The following PACS1 variants were observed in gnomAD, a reference collection of about 807,000 sequenced individuals.
PACS1 encodes phosphofurin acidic cluster sorting protein 1.
A neutral mutation model predicts 115.0 loss-of-function variants in PACS1; 24 were observed. The observed-to-expected ratio is 0.21, with a 90% CI of 0.15 to 0.29. The LOEUF (loss-of-function observed/expected upper bound fraction) is 0.29, where lower values mean the gene tolerates loss of function less well. PACS1 is among the 10% of genes least tolerant of loss of function. The pLI, the probability that PACS1 is intolerant of heterozygous loss-of-function variation, is 1.00. For missense variants in PACS1, 838 were observed against 1,251.2 expected, an observed-to-expected ratio of 0.67 and a Z score of 4.98; for synonymous variants, 453 against 504.5, an observed-to-expected ratio of 0.90 and a Z score of 1.37.
chr11:66,186,046 C>T (rs1338117862), intron 1 of PACS1, among the ~76,000 whole-genome samples: 3 of 152,066 alleles, frequency 2.0e-5, no homozygotes, highest in Non-Finnish European at 2.9e-5. Flanking sequence ...GCAGGAGGAT[C>T]GCTTGAGCCC....
intron 1 of PACS1, among the ~76,000 whole-genome samples, chr11:66,096,733 C>T (rs1467983150): frequency 1.3e-5 from 2 of 151,748 alleles, no homozygotes; most frequent in Non-Finnish European, 2.9e-5. Flanking sequence ...AAACTCCTGA[C>T]CTCAGATGAT....
chr11:66,217,698 T>C, intron 7 of PACS1: 1 of 439,408 alleles, frequency 2.3e-6, no homozygotes, highest in Non-Finnish European at 4.6e-6. Context: ...TGTCCTCAGG[T>C]ATCCACCTCT....
chr11:66,227,689 A>G, intron 11 of PACS1, 105 bp downstream of exon 11: 1 of 687,358 alleles, frequency 1.5e-6, no homozygotes, highest in East Asian at 2.7e-5. Flanking sequence ...TTTCACCTAA[A>G]TCTGCAGGCT....
intron 19 of PACS1, chr11:66,238,024 T>C: frequency 1.0e-6 from 1 of 979,358 alleles, no homozygotes; most frequent in South Asian, 4.7e-5. Flanking sequence ...GCCCAGGTGA[T>C]AGGGCCCAGG....
At position 66,236,858 on chromosome 11, in the gene PACS1, T is replaced by C. The variant is rs1855715674; in HGVS notation, c.2250+918T>C. Among the ~76,000 whole-genome samples the C allele has an allele frequency of 6.6e-6, 1 of 152,094 alleles. No homozygotes were observed. Among genetic ancestry groups the C allele is most frequent in the Non-Finnish European group, 1.5e-5 (1 of 67,998 alleles). On this transcript the variant is annotated intron_variant, in intron 19 of 23. Coordinates refer to ENST00000320580, the MANE Select transcript of PACS1 (RefSeq NM_018026.4). This position sits in a 1 kb window ranked among gnomAD's most constrained non-coding sequence, Gnocchi z 4.2. ...CTCACTGCAACCTCTGCCTCCTGGGTTCAAGTGATCCTCCTGCCTCAGCCT... is the reference window on the plus strand; with the variant it reads ...CTCACTGCAACCTCTGCCTCCTGGGCTCAAGTGATCCTCCTGCCTCAGCCT...
intron 2 of PACS1, among the ~76,000 whole-genome samples, chr11:66,200,923 A>C (rs1159864388): frequency 6.6e-6 from 1 of 151,974 alleles, no homozygotes; most frequent in African/African-American, 2.4e-5. Context: ...AAACATTCAA[A>C]AAAAAAAAAA....
chr11:66,090,617 A>G (rs1347395317), intron 1 of PACS1, among the ~76,000 whole-genome samples: 1 of 152,154 alleles, frequency 6.6e-6, no homozygotes, highest in Non-Finnish European at 1.5e-5. Flanking sequence ...GGAAGGCAAC[A>G]AGAGCACTGA....
chr11:66,128,838 C>T (rs1163157124), intron 1 of PACS1, among the ~76,000 whole-genome samples: 1 of 150,252 alleles, frequency 6.7e-6, no homozygotes, highest in Non-Finnish European at 1.5e-5. Context: ...GAGCCGAGAT[C>T]GTGCCACTGT....
At chr11:66,214,965 C>G (rs1055234981) in intron 4 of PACS1, among the ~76,000 whole-genome samples, 1 of 151,888 alleles carries the variant, frequency 6.6e-6, no homozygotes, top group Non-Finnish European at 1.5e-5. Flanking sequence ...TGGAGTGTTG[C>G]TCTGTGACCC....
chr11:66,077,153 C>G (rs2134495807), intron 1 of PACS1, among the ~76,000 whole-genome samples: 1 of 152,366 alleles, frequency 6.6e-6, no homozygotes, highest in East Asian at 1.9e-4. Context: ...TTGGTCACAA[C>G]TCAGGGATCG....
intron 11 of PACS1, among the ~76,000 whole-genome samples, chr11:66,229,552 G>A (rs1590835882): frequency 2.0e-5 from 3 of 151,988 alleles, no homozygotes; most frequent in Admixed American, 6.5e-5. Flanking sequence ...GGTGGTGGGC[G>A]CCTGTAGTCC....
At chr11:66,237,005 G>A (rs1411326681) in intron 19 of PACS1, among the ~76,000 whole-genome samples, 3 of 152,072 alleles carry the variant, frequency 2.0e-5, no homozygotes, top group Non-Finnish European at 2.9e-5. Context: ...TGCAACCTCC[G>A]CCTCCCAGGT....
chr11:66,209,829 T>C (rs1022068836), intron 2 of PACS1, among the ~76,000 whole-genome samples: 4 of 151,956 alleles, frequency 2.6e-5, no homozygotes, highest in African/African-American at 7.3e-5. Context: ...CGCTTGAACC[T>C]GGGAGGCGGA....
rs375943294 is a variant in PACS1, at chr11:66,216,091, C to T, written c.661-28C>T. 9 of 1,612,372 alleles carry T rather than the reference C, an allele frequency of 5.6e-6. No homozygotes were observed. In the Admixed American group the frequency reaches 6.7e-5, roughly 12 times the overall value. ...TTCTCCAGGTGCCTCTGTAGTAACA[C>T]GCCTCCACCACCTCCCCTGGCTCCT... On this transcript the variant is annotated intron_variant, in intron 4 of 23. Transcript: ENST00000320580.
Position 66,244,609 on chromosome 11 carries a change from A to G in PACS1, c.*1329A>G, listed in dbSNP as rs1332815246. The G allele has an allele frequency of 1.3e-5, 2 of 152,178 alleles. No individual in the cohort carries two copies. The highest frequency in any genetic ancestry group is 6.5e-5 in the Admixed American group (1 of 15,274). 9.4% of individuals were successfully genotyped at this position (152,178 alleles called of 1,614,324 possible). ...TTTCTCATTCTCCATACCTCCCCCA[A>G]GCTCTCCTCCAGCCCTTCCCAGGGC... On this transcript the variant is annotated 3_prime_UTR_variant, in exon 24 of 24. Transcript: ENST00000320580.
At chr11:66,071,770 G>C (rs368488357) in intron 1 of PACS1, among the ~76,000 whole-genome samples, 39 of 152,314 alleles carry the variant, frequency 2.6e-4, no homozygotes, top group Admixed American at 7.2e-4. Context: ...GTCTTGGGCT[G>C]TCTCCTCACT....
intron 1 of PACS1, among the ~76,000 whole-genome samples, chr11:66,143,546 C>G (rs1337119714): frequency 6.6e-6 from 1 of 152,176 alleles, no homozygotes; most frequent in African/African-American, 2.4e-5. Context: ...CACTAACCCC[C>G]AGGAAGAAAT....
At chr11:66,226,992 T>G (rs1334967869) in intron 10 of PACS1, among the ~76,000 whole-genome samples, 1 of 152,222 alleles carries the variant, frequency 6.6e-6, no homozygotes, top group Non-Finnish European at 1.5e-5. Flanking sequence ...GGCTTAACAT[T>G]GGGTGTCTTT....
chr11:66,154,048 A>G (rs1207113756), intron 1 of PACS1, among the ~76,000 whole-genome samples: 1 of 152,240 alleles, frequency 6.6e-6, no homozygotes, highest in Non-Finnish European at 1.5e-5. Flanking sequence ...GATGAGGAAT[A>G]TTGCTAGAGA....
Sources: gnomAD v4.1 joint callset for allele counts (sites outside exome capture counted in the v4.1 genomes callset) on GRCh38, gnomAD v4.1.1 for gene constraint, Gnocchi (gnomAD v3.1) non-coding constraint, MANE v1.5 for transcripts, NCBI Gene and HGNC (gene_info 2026-07-23, HGNC 2026-07-21) for gene names.